The following ROS1 variants were observed in gnomAD, a reference collection of about 807,000 sequenced individuals.
ROS1 encodes the protein proto-oncogene tyrosine-protein kinase ROS.
ROS1 carries 263 observed loss-of-function variants against 273.5 expected under a neutral mutation model. That is an observed-to-expected ratio of 0.96 (90% CI 0.87 to 1.06). ROS1 has a LOEUF of 1.06. Ranked by LOEUF, ROS1 falls within the 50% of genes least tolerant of loss-of-function variation. The pLI is 0.00. For missense variants in ROS1, 2,833 were observed against 2,751.1 expected, an observed-to-expected ratio of 1.03 and a Z score of -0.67; for synonymous variants, 1,008 against 954.1, an observed-to-expected ratio of 1.06 and a Z score of -1.04.
chr6:117,323,681 T>C (rs1438942313), intron 35 of ROS1, among the ~76,000 whole-genome samples: 1 of 152,162 alleles, frequency 6.6e-6, no homozygotes, highest in East Asian at 1.9e-4. Context: ...CCATTCCCTT[T>C]GAGGTTTTTA....
chr6:117,416,912 G>A (rs1775379753), intron 2 of ROS1, among the ~76,000 whole-genome samples: 1 of 152,028 alleles, frequency 6.6e-6, no homozygotes, highest in Non-Finnish European at 1.5e-5. Flanking sequence ...CCCTCCACAG[G>A]CCACGGTGGC....
rs759618879 is a variant in ROS1 at position 117,359,963 on chromosome 6, A to G, written c.3479T>C (p.Val1160Ala). The change falls in exon 24 of 44, where the codon GTT becomes GCT. Residue 1160 changes from valine (V) to alanine (A), a missense_variant. Coordinates refer to ENST00000368507, the MANE Select transcript of ROS1 (RefSeq NM_001378902.1). ...TTGATTTTGATCCATATCTAAAAAAACTATCTTGTTACCAAGAAGAGTTAT... is the reference window on the plus strand; with the variant it reads ...TTGATTTTGATCCATATCTAAAAAAGCTATCTTGTTACCAAGAAGAGTTAT... ...HLITLLGNKI[V>A]FLDMDQNQVV... 15 of 1,613,856 alleles carry G rather than the reference A, an allele frequency of 9.3e-6. No homozygotes were observed. Among genetic ancestry groups the G allele is most frequent in the African/African-American group, 1.3e-5 (1 of 74,932 alleles).
chr6:117,408,942 T>C (rs1484037075), intron 5 of ROS1, among the ~76,000 whole-genome samples: 1 of 151,946 alleles, frequency 6.6e-6, no homozygotes, highest in Non-Finnish European at 1.5e-5. Flanking sequence ...GAAACCATCA[T>C]TCTCAGCAAA....
chr6:117,381,557 A>C (rs1442245443), intron 17 of ROS1, among the ~76,000 whole-genome samples: 1 of 152,098 alleles, frequency 6.6e-6, no homozygotes, highest in Non-Finnish European at 1.5e-5. Flanking sequence ...AAATTGCTGC[A>C]AAAGACATTA....
At chr6:117,389,258 G>A in intron 13 of ROS1, 92 bp downstream of exon 13, 1 of 1,416,654 alleles carries the variant, frequency 7.1e-7, no homozygotes, top group Non-Finnish European at 9.6e-7. Flanking sequence ...TAGCCAAATG[G>A]GGCTCTCAAA....
Position 117,386,887 on chromosome 6 carries a change from A to G in ROS1, c.2110+2T>C, listed in dbSNP as rs765452313. The G allele has an allele frequency of 6.6e-7, 1 of 1,513,754 alleles. No homozygotes were observed. The highest frequency in any genetic ancestry group is 9.2e-7 in the Non-Finnish European group (1 of 1,092,030). 93.8% of individuals were successfully genotyped at this position (1,513,754 alleles called of 1,614,324 possible). A position where few individuals can be genotyped will look rare whatever the true frequency, so the allele number is the denominator to read the frequency against. On this transcript the variant is annotated splice_donor_variant, in intron 15 of 43. Coordinates refer to ENST00000368507, the MANE Select transcript of ROS1 (RefSeq NM_001378902.1). LOFTEE classifies it high-confidence loss of function. ...CAAGTGAACAGAGGACTTGGGGTTT[A>G]CCTGACACATTTCCTATATCAGAGG...
chr6:117,340,331 C>G (rs980369723), intron 31 of ROS1, among the ~76,000 whole-genome samples: 8 of 151,968 alleles, frequency 5.3e-5, no homozygotes, highest in African/African-American at 1.9e-4. Flanking sequence ...TTTAAACATC[C>G]TGGGGAATAA....
Position 117,288,550 on chromosome 6 carries a change from G to A in ROS1, c.6968C>T (p.Pro2323Leu), listed in dbSNP as rs1773591322. ...KQVAYCPSGK[P>L]EGLNYACLTH... ...GAGACAGGCATAGTTCAGGCCTTCAGGCTTGCCAGAAGGGCAGTAAGCCAC... is the reference window on the plus strand; with the variant it reads ...GAGACAGGCATAGTTCAGGCCTTCAAGCTTGCCAGAAGGGCAGTAAGCCAC... Residue 2323 changes from proline to leucine, a missense_variant, in exon 44 of 44, where the codon CCT (proline) becomes CTT (leucine). Transcript: ENST00000368507. 5.0e-6 allele frequency: 8 copies of A among 1,614,150 alleles called. No homozygotes were observed. The highest frequency in any genetic ancestry group is 1.6e-4 in the Middle Eastern group (1 of 6,062).
Position 117,310,282 on chromosome 6 carries a change from C to T in ROS1, c.6216-1G>A, listed in dbSNP as rs190667369. 3.1e-6 allele frequency: 5 copies of T among 1,590,354 alleles called. No individual in the cohort carries two copies. In the African/African-American group the frequency reaches 4.1e-5, roughly 13 times the overall value. On this transcript the variant is annotated splice_acceptor_variant, in intron 40 of 43. Transcript: ENST00000368507. LOFTEE classifies it high-confidence loss of function. ...AAGGCAATTTCTAGCTGCCAGATCC[C>T]TGTGGCAGAAGTTATATTTAATAAT...
intron 18 of ROS1, among the ~76,000 whole-genome samples, chr6:117,375,109 A>G (rs1300203987): frequency 6.6e-6 from 1 of 152,250 alleles, no homozygotes; most frequent in Non-Finnish European, 1.5e-5. Context: ...AATACTACTC[A>G]GCCATAAAAA....
Position 117,342,484 on chromosome 6 carries a change from G to A in ROS1, c.4567C>T (p.Gln1523Ter), listed in dbSNP as rs758560276. ...GAATAATAATTTTTTACAGCTATCTGTATCATGTATGTTGAAAATGGTTGT... is the reference window on the plus strand; with the variant it reads ...GAATAATAATTTTTTACAGCTATCTATATCATGTATGTTGAAAATGGTTGT... ...DLQPFSTYMI[Q>*]IAVKNYYSDP... The change falls in exon 29 of 44, where the codon CAG (glutamine) becomes TAG (stop). Residue 1523 changes from glutamine (Q) to a stop codon, truncating the protein, a stop_gained. Transcript: ENST00000368507. LOFTEE classifies it high-confidence loss of function. 1 of 1,603,010 alleles carries A rather than the reference G, an allele frequency of 6.2e-7. No individual in the cohort carries two copies. Among genetic ancestry groups the A allele is most frequent in the South Asian group, 1.1e-5 (1 of 90,684 alleles).
chr6:117,420,864 C>A (rs1222268453), intron 1 of ROS1, among the ~76,000 whole-genome samples: 3 of 151,690 alleles, frequency 2.0e-5, no homozygotes, highest in African/African-American at 4.8e-5. Flanking sequence ...CAGCCTTTTG[C>A]ATACATATCT....
chr6:117,339,684 T>C (rs1044686634), intron 31 of ROS1, among the ~76,000 whole-genome samples: 2 of 152,150 alleles, frequency 1.3e-5, no homozygotes, highest in African/African-American at 4.8e-5. Flanking sequence ...TGCAGCTTCA[T>C]GATTTTCTAA....
chr6:117,421,765 T>C (rs1021963557), intron 1 of ROS1, among the ~76,000 whole-genome samples: 10 of 152,210 alleles, frequency 6.6e-5, no homozygotes, highest in African/African-American at 2.4e-4. Context: ...AAAAACATTA[T>C]TTATCATGTG....
At chr6:117,420,919 A>AG (rs71554881) in intron 1 of ROS1, among the ~76,000 whole-genome samples, 31,571 of 151,366 alleles carry the variant, frequency 0.21, 3,501 homozygotes, top group African/African-American at 0.28. Context: ...TTGATGCATA[A>AG]ATTAGAGGTA....
At chr6:117,405,129 T>C (rs1458214692) in intron 5 of ROS1, among the ~76,000 whole-genome samples, 1 of 152,226 alleles carries the variant, frequency 6.6e-6, no homozygotes, top group African/African-American at 2.4e-5. Flanking sequence ...TCTGCTTTCT[T>C]TTATAGAAAC....
In ROS1 at chr6:117,326,196, T is replaced by C. The variant is rs79589222; in HGVS notation, c.5539+28A>G. ...ATTACTGAACCTTTAGGTAATAAGC[T>C]AGTGTGTAGACAGACATGGTAACAT... On this transcript the variant is annotated intron_variant, in intron 34 of 43. Transcript: ENST00000368507. 6,871 of 1,437,788 alleles carry C rather than the reference T, an allele frequency of 4.8e-3. 156 individuals are homozygous for C. In the African/African-American group the frequency reaches 0.056, roughly 12 times the overall value. The allele number at this position is 1,437,788 out of a possible 1,614,324, so 89.1% of individuals were successfully genotyped here.
chr6:117,394,392 G>A (rs1458876557), intron 10 of ROS1, 46 bp from the exon 11 acceptor site: 7 of 1,346,778 alleles, frequency 5.2e-6, no homozygotes, highest in South Asian at 3.8e-5. Context: ...ATAACAACCA[G>A]GACAAAAAAC....
chr6:117,364,089 T>C (rs535790316), intron 21 of ROS1, among the ~76,000 whole-genome samples: 140 of 152,248 alleles, frequency 9.2e-4, no homozygotes, highest in Non-Finnish European at 1.4e-3. Flanking sequence ...TCAAGTCCAT[T>C]TCCACAGGAC....
Sources: gnomAD v4.1 joint callset for allele counts (sites outside exome capture counted in the v4.1 genomes callset) on GRCh38, gnomAD v4.1.1 for gene constraint, MANE v1.5 for transcripts, NCBI Gene and HGNC (gene_info 2026-07-23, HGNC 2026-07-21) for gene names.